Variants in CUX2 observed in about 807,000 individuals in gnomAD.
CUX2 encodes cut like homeobox 2.
CUX2 carries 40 observed loss-of-function variants against 144.8 expected under a neutral mutation model. The observed-to-expected ratio is 0.28, with a 90% CI of 0.21 to 0.36. CUX2 has a LOEUF of 0.36. Among genes scored for constraint, CUX2 ranks in the 10% least tolerant of loss-of-function variants. The pLI, the probability that CUX2 is intolerant of heterozygous loss-of-function variation, is 1.00. For missense variants in CUX2, 1,615 were observed against 1,994.0 expected (o/e 0.81, Z 3.62); for synonymous variants, 827 against 875.6 (o/e 0.94, Z 0.98).
chr12:111,176,230 A>G (rs1878850937), intron 1 of CUX2, among the ~76,000 whole-genome samples: 1 of 151,030 alleles, frequency 6.6e-6, no homozygotes, highest in Non-Finnish European at 1.5e-5. Flanking sequence ...TTAATTTTGT[A>G]GAAACAGGGT....
At chr12:111,179,078 G>A (rs1449910405) in intron 1 of CUX2, among the ~76,000 whole-genome samples, 1 of 152,194 alleles carries the variant, frequency 6.6e-6, no homozygotes, top group Non-Finnish European at 1.5e-5. Flanking sequence ...ACCGCACAGA[G>A]ATCAGACTGG....
chr12:111,147,809 CA>C (rs1221345728), intron 1 of CUX2, among the ~76,000 whole-genome samples: 1 of 152,124 alleles, frequency 6.6e-6, no homozygotes, highest in Non-Finnish European at 1.5e-5. Flanking sequence ...TAGGCATGCC[CA>C]GGAAGGCGAT....
At chr12:111,204,093 G>C (rs547320541) in intron 1 of CUX2, among the ~76,000 whole-genome samples, 132 of 152,340 alleles carry the variant, frequency 8.7e-4, no homozygotes, top group Non-Finnish European at 1.6e-3. Context: ...CCAGTCCCCA[G>C]AGAGAGGTGA....
At chr12:111,334,787 G>C in intron 19 of CUX2, 77 bp downstream of exon 19, 2 of 1,472,910 alleles carry the variant, frequency 1.4e-6, no homozygotes, top group East Asian at 2.3e-5. Flanking sequence ...GGTGTCTGGA[G>C]CTGGGACCCA....
chr12:111,138,572 T>C (rs1876082004), intron 1 of CUX2, among the ~76,000 whole-genome samples: 1 of 152,076 alleles, frequency 6.6e-6, no homozygotes, highest in African/African-American at 2.4e-5. Context: ...CTGCTACCAT[T>C]TGGCTTCTGC....
At position 111,171,114 on chromosome 12, in the gene CUX2, C is replaced by T. The variant is rs1329248648; in HGVS notation, c.64-43086C>T. ...AGGAGAGAATAGGTGCTGGTAACAC[C>T]TGGAGTCATCCCAGCAGGTGTCAGT... On this transcript the variant is annotated intron_variant, in intron 1 of 21. Transcript: ENST00000261726. The surrounding 1 kb of genome is among the most constrained non-coding windows in gnomAD (Gnocchi z 5.0). Among the ~76,000 whole-genome samples, 1 of 152,118 alleles carries T rather than the reference C, an allele frequency of 6.6e-6. No individual in the cohort carries two copies. Among genetic ancestry groups the T allele is most frequent in the African/African-American group, 2.4e-5 (1 of 41,400 alleles).
At chr12:111,248,178 G>T (rs1487535335) in intron 3 of CUX2, among the ~76,000 whole-genome samples, 5 of 152,196 alleles carry the variant, frequency 3.3e-5, no homozygotes, top group Non-Finnish European at 7.3e-5. Flanking sequence ...CGGGATTATA[G>T]GCGTGAGCCA....
intron 3 of CUX2, among the ~76,000 whole-genome samples, chr12:111,229,099 A>G (rs1045659285): frequency 2.6e-5 from 4 of 152,240 alleles, no homozygotes; most frequent in Admixed American, 2.0e-4. Context: ...TGCGATTACC[A>G]TGATTATTAC....
chr12:111,204,393 C>G (rs191246544), intron 1 of CUX2, among the ~76,000 whole-genome samples: 1 of 152,260 alleles, frequency 6.6e-6, no homozygotes, highest in East Asian at 1.9e-4. Flanking sequence ...CTGTCTTGTC[C>G]CTGGTAACAC....
Position 111,263,667 on chromosome 12 carries a change from A to G in CUX2, c.223-94A>G, listed in dbSNP as rs1884243430. 1.0e-6 allele frequency: 1 copy of G among 956,386 alleles called. No homozygotes were observed. Among genetic ancestry groups the G allele is most frequent in the African/African-American group, 1.7e-5 (1 of 58,518 alleles). The allele number at this position is 956,386 out of a possible 1,614,324, so 59.2% of individuals were successfully genotyped here. ...AAACAAAACAAAACAAAAAACCTGC[A>G]GATGTTTTCTTGTGGAAAAAAAAAA... On this transcript the variant is annotated intron_variant, in intron 3 of 21. Coordinates refer to ENST00000261726, the MANE Select transcript of CUX2 (RefSeq NM_015267.4). This position sits in a 1 kb window ranked among gnomAD's most constrained non-coding sequence, Gnocchi z 4.0.
At chr12:111,079,697 C>T (rs1871760042) in intron 1 of CUX2, among the ~76,000 whole-genome samples, 1 of 152,176 alleles carries the variant, frequency 6.6e-6, no homozygotes, top group Admixed American at 6.5e-5. Flanking sequence ...TTGCACATCC[C>T]TCAGCGGCAC....
chr12:111,262,379 C>CTT (rs5800924), intron 3 of CUX2, among the ~76,000 whole-genome samples: 1,927 of 139,598 alleles, frequency 0.014, 15 homozygotes, highest in Non-Finnish European at 0.018. Flanking sequence ...TGTAATGGAT[C>CTT]TTTTTTTTTT....
At chr12:111,187,833 T>A (rs1879642282) in intron 1 of CUX2, among the ~76,000 whole-genome samples, 1 of 152,254 alleles carries the variant, frequency 6.6e-6, no homozygotes. Context: ...GCAGGGGTGA[T>A]GGGGCTGAGA....
At position 111,125,153 on chromosome 12, in the gene CUX2, C is replaced by T. The variant is rs150324903; in HGVS notation, c.64-89047C>T. The stretch of plus-strand genomic sequence containing the variant: ...CCCTAGGAGCCACCAGTTTACATTC[C>T]CTCTCTATGGATTTACCTATTCTGG... On this transcript the variant is annotated intron_variant, in intron 1 of 21. Coordinates refer to ENST00000261726, the MANE Select transcript of CUX2 (RefSeq NM_015267.4). Among the ~76,000 whole-genome samples the T allele has an allele frequency of 2.8e-4, 43 of 151,978 alleles. No individual in the cohort carries two copies. The Middle Eastern group carries it at 0.01, about 36-fold the overall frequency.
chr12:111,086,458 T>G (rs1872222903), intron 1 of CUX2, among the ~76,000 whole-genome samples: 1 of 152,236 alleles, frequency 6.6e-6, no homozygotes, highest in African/African-American at 2.4e-5. Flanking sequence ...AGGCCTTTCA[T>G]AGTTAATGAG....
intron 4 of CUX2, among the ~76,000 whole-genome samples, chr12:111,283,521 G>A (rs1316938901): frequency 6.6e-6 from 1 of 152,088 alleles, no homozygotes; most frequent in Non-Finnish European, 1.5e-5. Context: ...GCACTGAAGC[G>A]GGAGCTCGGC....
At chr12:111,098,115 G>A (rs938707016) in intron 1 of CUX2, among the ~76,000 whole-genome samples, 2 of 152,082 alleles carry the variant, frequency 1.3e-5, no homozygotes, top group African/African-American at 2.4e-5. Context: ...GAACAGAGTC[G>A]GGAGCTGGGC....
chr12:111,311,190 T>C (rs1158226893), intron 15 of CUX2, among the ~76,000 whole-genome samples: 2 of 152,180 alleles, frequency 1.3e-5, no homozygotes, highest in East Asian at 1.9e-4. Context: ...GGAGGCACCA[T>C]GAGGATTAAA....
At chr12:111,161,809 A>T (rs754398522) in intron 1 of CUX2, among the ~76,000 whole-genome samples, 6 of 152,162 alleles carry the variant, frequency 3.9e-5, no homozygotes, top group Non-Finnish European at 8.8e-5. Context: ...ATCACAGCTC[A>T]CTGTAGCCTC....
Sources: allele counts gnomAD v4.1 joint callset (sites outside exome capture counted in the v4.1 genomes callset), GRCh38; gene constraint gnomAD v4.1.1; non-coding constraint Gnocchi (gnomAD v3.1); transcripts MANE v1.5; gene names NCBI Gene and HGNC (gene_info 2026-07-23, HGNC 2026-07-21).